Variants in IGF2BP3 observed in about 807,000 individuals in gnomAD.
IGF2BP3 encodes insulin like growth factor 2 mRNA binding protein 3, also known as insulin-like growth factor 2 mRNA-binding protein 3.
Under a neutral mutation model 73.8 loss-of-function variants are expected in IGF2BP3, and 9 were observed. The observed-to-expected ratio is 0.12, with a 90% confidence interval of 0.07 to 0.21. The LOEUF (loss-of-function observed/expected upper bound fraction) is 0.21, where lower values mean the gene tolerates loss of function less well. IGF2BP3 is among the 10% of genes least tolerant of loss of function. IGF2BP3 has a pLI of 1.00. For missense variants in IGF2BP3, 542 were observed against 714.0 expected (o/e 0.76, Z 2.75); for synonymous variants, 258 against 256.7 (o/e 1.01, Z -0.05).
chr7:23,423,278 G>C (rs192614769), intron 2 of IGF2BP3, among the ~76,000 whole-genome samples: 3 of 152,192 alleles, frequency 2.0e-5, no homozygotes, highest in Non-Finnish European at 4.4e-5. Context: ...TTCTGGCATG[G>C]AAAGAACTGG....
At position 23,313,594 on chromosome 7, in the gene IGF2BP3, C is replaced by T; in HGVS notation, c.1455G>A (p.Glu485=). ...KEENFVSPKE[E]VKLEAHIRVP... Reference sequence around the variant, plus strand: ...CTCTGATATGAGCTTCAAGTTTCACCTCTTCTTTAGGACTAACAAAGTTTT... The same window carrying T: ...CTCTGATATGAGCTTCAAGTTTCACTTCTTCTTTAGGACTAACAAAGTTTT... Residue 485 remains glutamate (E), a synonymous_variant, in exon 13 of 15, where the codon GAG becomes GAA. Transcript: ENST00000258729. The T allele has an allele frequency of 1.2e-6, 2 of 1,614,032 alleles. No homozygotes were observed. Among genetic ancestry groups the T allele is most frequent in the Non-Finnish European group, 1.7e-6 (2 of 1,179,986 alleles).
chr7:23,321,921 G>A (rs1358086736), intron 10 of IGF2BP3, among the ~76,000 whole-genome samples: 1 of 152,150 alleles, frequency 6.6e-6, no homozygotes, highest in Non-Finnish European at 1.5e-5. Flanking sequence ...AAACCCATCT[G>A]TACATCACCG....
chr7:23,354,484 G>A (rs752048255), intron 5 of IGF2BP3, among the ~76,000 whole-genome samples: 34 of 152,154 alleles, frequency 2.2e-4, no homozygotes, highest in Non-Finnish European at 4.6e-4. Context: ...AGTCATTAAT[G>A]TTACAAAAAT....
chr7:23,405,867 C>T (rs1026140159), intron 3 of IGF2BP3, among the ~76,000 whole-genome samples: 2 of 152,070 alleles, frequency 1.3e-5, no homozygotes, highest in Non-Finnish European at 2.9e-5. Flanking sequence ...TGAAAGAATT[C>T]GCCTTCACTG....
chr7:23,341,937 A>G, intron 10 of IGF2BP3, 127 bp downstream of exon 10: 1 of 1,093,630 alleles, frequency 9.1e-7, no homozygotes. Flanking sequence ...CAAAGGGCCA[A>G]ATAAGAAGGC....
At chr7:23,410,633 T>C (rs964847934) in intron 3 of IGF2BP3, among the ~76,000 whole-genome samples, 1 of 152,232 alleles carries the variant, frequency 6.6e-6, no homozygotes, top group Non-Finnish European at 1.5e-5. Flanking sequence ...ACTCTATGTC[T>C]ACAGTTCTTT....
intron 10 of IGF2BP3, among the ~76,000 whole-genome samples, chr7:23,336,318 T>C (rs1194820079): frequency 6.6e-6 from 1 of 152,220 alleles, no homozygotes; most frequent in Non-Finnish European, 1.5e-5. Context: ...TCTTAGTACG[T>C]AATCTGTGAT....
intron 3 of IGF2BP3, among the ~76,000 whole-genome samples, chr7:23,375,574 T>C (rs550349500): frequency 6.6e-6 from 1 of 152,174 alleles, no homozygotes; most frequent in Non-Finnish European, 1.5e-5. Flanking sequence ...CAAACAGCTA[T>C]AAATTACTAG....
At chr7:23,342,240 A>T (rs748958157) in intron 9 of IGF2BP3, 51 bp from the exon 10 acceptor site, 1 of 1,600,952 alleles carries the variant, frequency 6.2e-7, no homozygotes, top group African/African-American at 1.3e-5. Context: ...AATCAAGGGA[A>T]AGTGAGCATT....
At chr7:23,385,969 T>C (rs950329717) in intron 3 of IGF2BP3, among the ~76,000 whole-genome samples, 2 of 152,226 alleles carry the variant, frequency 1.3e-5, no homozygotes, top group African/African-American at 4.8e-5. Context: ...ATGATATTGA[T>C]TTTTTTAAGC....
At chr7:23,428,642 G>C (rs1410141123) in intron 2 of IGF2BP3, among the ~76,000 whole-genome samples, 2 of 150,792 alleles carry the variant, frequency 1.3e-5, no homozygotes, top group South Asian at 2.1e-4. Flanking sequence ...ACGAAGTTGA[G>C]AGGCTACAGT....
intron 10 of IGF2BP3, among the ~76,000 whole-genome samples, chr7:23,328,411 C>T (rs889995193): frequency 6.6e-6 from 1 of 152,150 alleles, no homozygotes; most frequent in Non-Finnish European, 1.5e-5. Flanking sequence ...TTTCACCATA[C>T]TGGTCAGGCT....
intron 3 of IGF2BP3, among the ~76,000 whole-genome samples, chr7:23,410,539 C>A (rs1365024324): frequency 1.3e-5 from 2 of 152,176 alleles, no homozygotes; most frequent in African/African-American, 4.8e-5. Flanking sequence ...GTAGAGAACT[C>A]TGGTATTCCC....
intron 3 of IGF2BP3, among the ~76,000 whole-genome samples, chr7:23,370,190 T>C (rs193178879): frequency 5.9e-5 from 9 of 152,282 alleles, no homozygotes; most frequent in Admixed American, 5.2e-4. Context: ...CTAATACCCA[T>C]TCTTGGAAAT....
chr7:23,442,469 C>G (rs145318271), intron 2 of IGF2BP3, among the ~76,000 whole-genome samples: 20 of 152,140 alleles, frequency 1.3e-4, no homozygotes, highest in African/African-American at 4.8e-4. Context: ...CTGATCTGAG[C>G]TCAGTGCAAC....
chr7:23,464,415 T>C (rs532958325), intron 2 of IGF2BP3, among the ~76,000 whole-genome samples: 3 of 152,310 alleles, frequency 2.0e-5, no homozygotes, highest in African/African-American at 7.2e-5. Flanking sequence ...TACAATTCAA[T>C]GGTGTTAAAT....
chr7:23,318,811 G>C (rs1784059278), intron 11 of IGF2BP3, among the ~76,000 whole-genome samples: 1 of 152,164 alleles, frequency 6.6e-6, no homozygotes, highest in Non-Finnish European at 1.5e-5. Context: ...CAACAGACCT[G>C]ATTCCTGGAG....
chr7:23,437,927 G>C lies in IGF2BP3; in HGVS notation c.237-19103C>G, dbSNP rs142736977. 1.3e-3 allele frequency among the ~76,000 whole-genome samples: 199 copies of C among 152,280 alleles called. 1 individual carries two copies. The highest frequency in any genetic ancestry group is 4.3e-3 in the African/African-American group (180 of 41,550). ...TATTTTAACCAAAGTCAAAACGCAA[G>C]TCAACGAAAAGCCAAATTCAAACTC... is the stretch of plus-strand genomic sequence containing the variant. On this transcript the variant is annotated intron_variant, in intron 2 of 14. Coordinates refer to ENST00000258729, the MANE Select transcript of IGF2BP3 (RefSeq NM_006547.3).
chr7:23,465,080 C>A (rs1220536148), intron 2 of IGF2BP3, among the ~76,000 whole-genome samples: 1 of 152,190 alleles, frequency 6.6e-6, no homozygotes, highest in Non-Finnish European at 1.5e-5. Context: ...TGCCCAACAG[C>A]CCACAACATA....
Sources: gnomAD v4.1 joint callset for allele counts (sites outside exome capture counted in the v4.1 genomes callset) on GRCh38, gnomAD v4.1.1 for gene constraint, MANE v1.5 for transcripts, NCBI Gene and HGNC (gene_info 2026-07-23, HGNC 2026-07-21) for gene names.